ADGRL2: variants seen among roughly 807,000 people sequenced by gnomAD.
ADGRL2 encodes the protein calcium-independent alpha-latrotoxin receptor 2.
A neutral mutation model predicts 157.4 loss-of-function variants in ADGRL2; 44 were observed. The ratio of observed to expected loss-of-function variants is 0.28; its 90% CI spans 0.22 to 0.36. The LOEUF (loss-of-function observed/expected upper bound fraction) is 0.36, where lower values mean the gene tolerates loss of function less well. Among genes scored for constraint, ADGRL2 ranks in the 10% least tolerant of loss-of-function variants. The pLI is 1.00. For synonymous variants in ADGRL2, 585 were observed against 624.7 expected (o/e 0.94, Z 0.95); for missense variants, 1,510 against 1,768.9 (o/e 0.85, Z 2.63).
At chr1:81,409,676 G>A (rs1424557818) in intron 1 of ADGRL2, among the ~76,000 whole-genome samples, 1 of 152,126 alleles carries the variant, frequency 6.6e-6, no homozygotes, top group Non-Finnish European at 1.5e-5. Flanking sequence ...AGGTGTAAGG[G>A]TGACTTTGTG....
intron 11 of ADGRL2, among the ~76,000 whole-genome samples, chr1:81,958,845 A>C (rs1654445403): frequency 6.6e-6 from 1 of 152,114 alleles, no homozygotes; most frequent in South Asian, 2.1e-4. Context: ...CATGTAGATT[A>C]GTTTTGCTTT....
At chr1:81,326,995 C>T (rs942716568) in intron 1 of ADGRL2, among the ~76,000 whole-genome samples, 7 of 152,126 alleles carry the variant, frequency 4.6e-5, no homozygotes, top group African/African-American at 7.2e-5. Flanking sequence ...TTCCCTGCAG[C>T]GGACTGGCAG....
intron 2 of ADGRL2, among the ~76,000 whole-genome samples, chr1:81,886,827 G>A (rs747094971): frequency 6.6e-5 from 10 of 152,038 alleles, no homozygotes; most frequent in Non-Finnish European, 8.8e-5. Flanking sequence ...TGCTTAGCTC[G>A]TTTACATTCT....
chr1:81,680,181 G>C (rs1330698592), intron 3 of ADGRL2, among the ~76,000 whole-genome samples: 1 of 152,198 alleles, frequency 6.6e-6, no homozygotes, highest in Non-Finnish European at 1.5e-5. Context: ...CACACTGCCA[G>C]ATCGGCAGCC....
chr1:81,386,224 GAC>G (rs1225275822), intron 1 of ADGRL2, among the ~76,000 whole-genome samples: 1 of 152,090 alleles, frequency 6.6e-6, no homozygotes, highest in Non-Finnish European at 1.5e-5. Flanking sequence ...AAATAAAACA[GAC>G]ACAGTCTCTT....
In ADGRL2 at chr1:81,344,678, A is replaced by AT. The variant is rs1553155542; in HGVS notation, c.-302+38169_-302+38170insT. Among the ~76,000 whole-genome samples, 71 of 145,566 alleles carry AT rather than the reference A, an allele frequency of 4.9e-4. 1 individual carries two copies. Among genetic ancestry groups the AT allele is most frequent in the Middle Eastern group, 7.5e-3 (2 of 266 alleles). On this transcript the variant is annotated intron_variant, in intron 1 of 24. Coordinates refer to the ADGRL2 transcript ENST00000370721. ...CGAAACTCTGTCTCAAAAAAAAAAAAAAAAAAAAAAAAGCAGATTATATTT... is the reference window on the plus strand; with the variant it reads ...CGAAACTCTGTCTCAAAAAAAAAAAATAAAAAAAAAAAAGCAGATTATATTT...
intron 2 of ADGRL2, among the ~76,000 whole-genome samples, chr1:81,786,626 T>C (rs1367558178): frequency 6.6e-6 from 1 of 152,208 alleles, no homozygotes; most frequent in Non-Finnish European, 1.5e-5. Context: ...TCTTAAACTC[T>C]GGAAGTCATT....
At chr1:81,565,075 T>A (rs1013054047) in intron 2 of ADGRL2, among the ~76,000 whole-genome samples, 2 of 152,188 alleles carry the variant, frequency 1.3e-5, no homozygotes, top group Admixed American at 1.3e-4. Flanking sequence ...TATAATATAG[T>A]GGCAAGAAGG....
intron 3 of ADGRL2, among the ~76,000 whole-genome samples, chr1:81,656,435 C>T (rs1475532070): frequency 6.6e-6 from 1 of 152,190 alleles, no homozygotes; most frequent in East Asian, 1.9e-4. Context: ...CCAAGATTCA[C>T]ATTTTTGCCC....
intron 1 of ADGRL2, among the ~76,000 whole-genome samples, chr1:81,328,255 A>G (rs1219543194): frequency 6.6e-6 from 1 of 152,158 alleles, no homozygotes; most frequent in Non-Finnish European, 1.5e-5. Context: ...TGTGGCTATA[A>G]TCTTAATCCA....
At chr1:81,521,978 T>A (rs917998198) in intron 2 of ADGRL2, among the ~76,000 whole-genome samples, 2 of 151,836 alleles carry the variant, frequency 1.3e-5, no homozygotes, top group Non-Finnish European at 2.9e-5. Context: ...TTTTTTTTTT[T>A]TTTTGAGAAA....
intron 3 of ADGRL2, among the ~76,000 whole-genome samples, chr1:81,913,172 A>T (rs2148450899): frequency 6.6e-6 from 1 of 152,284 alleles, no homozygotes; most frequent in Non-Finnish European, 1.5e-5. Context: ...CTGTTCTTGA[A>T]TTTCCCTTTT....
chr1:81,965,953 A>T, intron 11 of ADGRL2, 105 bp from the exon 12 acceptor site: 2 of 1,164,452 alleles, frequency 1.7e-6, no homozygotes, highest in Non-Finnish European at 2.4e-6. Context: ...TTTTTTAAGT[A>T]GGCAAAAAGA....
chr1:81,663,363 C>T (rs1366188795), intron 3 of ADGRL2, among the ~76,000 whole-genome samples: 5 of 152,242 alleles, frequency 3.3e-5, no homozygotes, highest in East Asian at 1.9e-4. Context: ...TCCCACCTCC[C>T]GGATCCATAC....
intron 2 of ADGRL2, among the ~76,000 whole-genome samples, chr1:81,773,779 T>C (rs555196991): frequency 1.4e-4 from 21 of 152,342 alleles, no homozygotes; most frequent in Non-Finnish European, 2.6e-4. Flanking sequence ...TTAAGTGGTA[T>C]GGGCTGAATT....
intron 2 of ADGRL2, among the ~76,000 whole-genome samples, chr1:81,903,255 T>C (rs1047939036): frequency 2.0e-5 from 3 of 152,210 alleles, no homozygotes; most frequent in African/African-American, 7.2e-5. Flanking sequence ...GGTACACATG[T>C]TTACATTTCT....
At chr1:81,945,790 T>C (rs900050164) in intron 6 of ADGRL2, among the ~76,000 whole-genome samples, 1 of 152,072 alleles carries the variant, frequency 6.6e-6, no homozygotes, top group African/African-American at 2.4e-5. Flanking sequence ...AAATTCATAT[T>C]GACCCCTTAT....
At chr1:81,525,472 C>T (rs2079432420) in intron 2 of ADGRL2, among the ~76,000 whole-genome samples, 1 of 152,132 alleles carries the variant, frequency 6.6e-6, no homozygotes, top group African/African-American at 2.4e-5. Flanking sequence ...CGTGTGCCAC[C>T]AAGCCCAGAT....
At chr1:81,745,298 C>T (rs960119079) in intron 1 of ADGRL2, among the ~76,000 whole-genome samples, 7 of 152,210 alleles carry the variant, frequency 4.6e-5, no homozygotes, top group African/African-American at 1.7e-4. Flanking sequence ...CTGAGAAGCA[C>T]ACAGCTGTGC....
Sources: gnomAD v4.1 joint callset for allele counts (sites outside exome capture counted in the v4.1 genomes callset) on GRCh38, gnomAD v4.1.1 for gene constraint, MANE v1.5 for transcripts, NCBI Gene and HGNC (gene_info 2026-07-23, HGNC 2026-07-21) for gene names.